DEUP1: variants seen among roughly 807,000 people sequenced by gnomAD.
The protein encoded by DEUP1 is deuterosome assembly protein 1.
Under a neutral mutation model 87.4 loss-of-function variants are expected in DEUP1, and 82 were observed. The observed-to-expected ratio is 0.94, with a 90% CI of 0.78 to 1.13. The LOEUF (loss-of-function observed/expected upper bound fraction) is 1.13, where lower values mean the gene tolerates loss of function less well. DEUP1 is among the 50% of genes most tolerant of loss of function. The pLI, the probability that DEUP1 is intolerant of heterozygous loss-of-function variation, is 0.00. For synonymous variants in DEUP1, 214 were observed against 222.7 expected (o/e 0.96, Z 0.35); for missense variants, 663 against 681.5 (o/e 0.97, Z 0.30).
intron 12 of DEUP1, among the ~76,000 whole-genome samples, chr11:93,410,585 G>A (rs867449528): frequency 2.0e-5 from 3 of 152,168 alleles, no homozygotes; most frequent in Admixed American, 6.5e-5. Flanking sequence ...GGTCACCTGC[G>A]TATGTTAGTC....
chr11:93,411,194 C>T (rs944947692), intron 12 of DEUP1: 10 of 152,142 alleles, frequency 6.6e-5, no homozygotes, highest in African/African-American at 2.2e-4. Flanking sequence ...CACAACACAG[C>T]TCAGTGAAGT....
chr11:93,383,404 T>C (rs1946392673), intron 7 of DEUP1: 1 of 434,954 alleles, frequency 2.3e-6, no homozygotes, highest in Admixed American at 4.0e-5. Context: ...GTATGAAACA[T>C]CTAGAATAGG....
intron 11 of DEUP1, among the ~76,000 whole-genome samples, chr11:93,397,244 TG>T (rs1318614411): frequency 1.1e-4 from 17 of 152,196 alleles, no homozygotes; most frequent in African/African-American, 4.1e-4. Flanking sequence ...GTTCTCATAA[TG>T]GTCCATATTC....
intron 5 of DEUP1, among the ~76,000 whole-genome samples, chr11:93,368,102 G>A (rs1054537426): frequency 9.9e-5 from 15 of 152,204 alleles, no homozygotes; most frequent in African/African-American, 3.6e-4. Flanking sequence ...TAATCATGCT[G>A]TATAACTGCA....
chr11:93,339,366 A>G (rs1181426599), intron 2 of DEUP1, among the ~76,000 whole-genome samples: 4 of 152,252 alleles, frequency 2.6e-5, no homozygotes, highest in East Asian at 1.9e-4. Flanking sequence ...CAATCCATGC[A>G]ATGAAATGGT....
At chr11:93,384,916 A>G (rs545227219) in intron 7 of DEUP1, among the ~76,000 whole-genome samples, 5 of 152,184 alleles carry the variant, frequency 3.3e-5, no homozygotes, top group African/African-American at 4.8e-5. Flanking sequence ...CTCAGTAAAT[A>G]TTTGTTAGAA....
chr11:93,349,607 A>C (rs1423223939), intron 2 of DEUP1, among the ~76,000 whole-genome samples: 1 of 152,124 alleles, frequency 6.6e-6, no homozygotes, highest in Non-Finnish European at 1.5e-5. Flanking sequence ...ACTTGTTCAA[A>C]GAAGAGCTAG....
At chr11:93,352,517 A>G (rs1944676219) in intron 2 of DEUP1, 1 of 642,770 alleles carries the variant, frequency 1.6e-6, no homozygotes, top group East Asian at 2.7e-5. Flanking sequence ...AGATATTACT[A>G]TGTGTATGAC....
rs376720135 is a variant in DEUP1 at position 93,412,507 on chromosome 11, G to A, written c.1524-2493G>A. On this transcript the variant is annotated intron_variant, in intron 12 of 13. Coordinates refer to ENST00000298050, the MANE Select transcript of DEUP1 (RefSeq NM_181645.4). The stretch of plus-strand genomic sequence containing the variant: ...CAAAAGTACTTTACTTCATAATGTC[G>A]TCTCTACATTTTATTGATCTTACAC... Among the ~76,000 whole-genome samples the A allele has an allele frequency of 3.2e-4, 49 of 152,214 alleles. No homozygotes were observed. The East Asian group carries it at 5.0e-3, about 16-fold the overall frequency.
chr11:93,347,748 T>C (rs1944426736), intron 2 of DEUP1, among the ~76,000 whole-genome samples: 2 of 152,060 alleles, frequency 1.3e-5, no homozygotes, highest in South Asian at 4.2e-4. Flanking sequence ...TTTTTGTTTT[T>C]TCGTTTTTTT....
chr11:93,350,071 G>A (rs1944556043), intron 2 of DEUP1, among the ~76,000 whole-genome samples: 1 of 152,176 alleles, frequency 6.6e-6, no homozygotes, highest in African/African-American at 2.4e-5. Flanking sequence ...TGGAAGTGGG[G>A]ACAGAAATTA....
chr11:93,431,459 A>C (rs558637824), intron 13 of DEUP1, among the ~76,000 whole-genome samples: 2 of 152,204 alleles, frequency 1.3e-5, no homozygotes, highest in Admixed American at 1.3e-4. Context: ...ATATGAGGAC[A>C]GTAGGTCATG....
chr11:93,415,136 T>C, intron 13 of DEUP1, 22 bp downstream of exon 13: 1 of 1,429,778 alleles, frequency 7.0e-7, no homozygotes, highest in Non-Finnish European at 9.8e-7. Context: ...GTTGTGGGCT[T>C]TTTTTTTCTT....
At chr11:93,427,733 A>G (rs915608185) in intron 13 of DEUP1, among the ~76,000 whole-genome samples, 9 of 150,270 alleles carry the variant, frequency 6.0e-5, no homozygotes, top group Non-Finnish European at 1.2e-4. Context: ...TCATCTGACA[A>G]AGGGCTAATA....
At chr11:93,339,523 C>A (rs541733744) in intron 2 of DEUP1, among the ~76,000 whole-genome samples, 2 of 152,240 alleles carry the variant, frequency 1.3e-5, no homozygotes, top group East Asian at 3.9e-4. Context: ...TTATAAAGGA[C>A]AGCTAGTCAA....
At chr11:93,409,660 A>G (rs1458649278) in intron 12 of DEUP1, among the ~76,000 whole-genome samples, 1 of 152,216 alleles carries the variant, frequency 6.6e-6, no homozygotes, top group Non-Finnish European at 1.5e-5. Context: ...AATAGTTAGC[A>G]TGAAAAACCT....
chr11:93,413,427 A>T (rs1056084856), intron 12 of DEUP1, among the ~76,000 whole-genome samples: 5 of 152,084 alleles, frequency 3.3e-5, no homozygotes, highest in Non-Finnish European at 7.3e-5. Context: ...TATTTTTAGT[A>T]GCGACGGGGT....
At chr11:93,396,372 A>G (rs1249463295) in intron 11 of DEUP1, 47 bp downstream of exon 11, 1 of 1,146,646 alleles carries the variant, frequency 8.7e-7, no homozygotes, top group African/African-American at 1.6e-5. Flanking sequence ...AGATTACTGA[A>G]TTGGTCACGA....
At chr11:93,383,728 A>G (rs1946409045) in intron 7 of DEUP1, 1 of 508,528 alleles carries the variant, frequency 2.0e-6, no homozygotes, top group Non-Finnish European at 3.5e-6. Context: ...TTTTTAAAAT[A>G]TAGTGTTTTC....
Sources: allele counts gnomAD v4.1 joint callset (sites outside exome capture counted in the v4.1 genomes callset), GRCh38; gene constraint gnomAD v4.1.1; transcripts MANE v1.5; gene names NCBI Gene and HGNC (gene_info 2026-07-23, HGNC 2026-07-21).